Variants in MRPS28 observed in about 807,000 individuals in gnomAD.
The protein encoded by MRPS28 is mitochondrial ribosomal protein S28.
Under a neutral mutation model 10.8 loss-of-function variants are expected in MRPS28, and 7 were observed. The observed-to-expected ratio is 0.65, with a 90% CI of 0.37 to 1.22. The LOEUF (loss-of-function observed/expected upper bound fraction) is 1.22, where lower values mean the gene tolerates loss of function less well. Ranked by LOEUF, MRPS28 falls within the 50% of genes most tolerant of loss-of-function variation. MRPS28 has a pLI of 0.02. For synonymous variants in MRPS28, 121 were observed against 93.3 expected, an observed-to-expected ratio of 1.30 and a Z score of -1.71; for missense variants, 265 against 232.9, an observed-to-expected ratio of 1.14 and a Z score of -0.90.
At chr8:80,026,282 T>A (rs1424714696) in intron 1 of MRPS28, among the ~76,000 whole-genome samples, 1 of 152,196 alleles carries the variant, frequency 6.6e-6, no homozygotes, top group Admixed American at 6.5e-5. Flanking sequence ...ACCATAAATA[T>A]GTTAGAAAAA....
chr8:79,993,848 T>C (rs16907360), intron 2 of MRPS28, among the ~76,000 whole-genome samples: 3,443 of 152,280 alleles, frequency 0.023, 148 homozygotes, highest in African/African-American at 0.078. Flanking sequence ...CCAACATACA[T>C]TCCACTCTTT....
At chr8:79,983,588 C>T (rs1175359992) in intron 2 of MRPS28, among the ~76,000 whole-genome samples, 12 of 152,124 alleles carry the variant, frequency 7.9e-5, no homozygotes, top group South Asian at 2.1e-4. Flanking sequence ...AAGGAGCTGA[C>T]AGAGCTGAAA....
intron 2 of MRPS28, among the ~76,000 whole-genome samples, chr8:79,990,819 C>G (rs1808341201): frequency 1.1e-5 from 1 of 90,048 alleles, no homozygotes; most frequent in South Asian, 4.3e-4. Context: ...GAAACCCCAT[C>G]TCTACAAAAA....
intron 2 of MRPS28, among the ~76,000 whole-genome samples, chr8:79,974,575 A>AAAC (rs147607823): frequency 7.7e-6 from 1 of 129,658 alleles, no homozygotes; most frequent in African/African-American, 3.2e-5. Context: ...ATAAAAAAAC[A>AAAC]AAAAAAAAAC....
chr8:79,991,572 G>A (rs1042817701), intron 2 of MRPS28, among the ~76,000 whole-genome samples: 12 of 152,204 alleles, frequency 7.9e-5, no homozygotes, highest in African/African-American at 2.9e-4. Context: ...CTAGGTTTAA[G>A]TAGTGTCTAA....
intron 1 of MRPS28, among the ~76,000 whole-genome samples, chr8:80,013,145 A>T (rs935496690): frequency 2.0e-5 from 3 of 152,152 alleles, no homozygotes; most frequent in Non-Finnish European, 4.4e-5. Flanking sequence ...CGAAAAAAAA[A>T]CCCTGAATAA....
rs148845662 is a variant in MRPS28 at position 80,003,165 on chromosome 8, C to T, written c.229G>A (p.Val77Met). 2.6e-4 allele frequency: 415 copies of T among 1,583,758 alleles called. No homozygotes were observed. In the African/African-American group the frequency reaches 2.9e-3, roughly 11 times the overall value. Residue 77 changes from valine to methionine, a missense_variant, in exon 2 of 3, where the codon GTG becomes ATG. By Grantham distance (21) the Val-to-Met change is conservative (BLOSUM62 1). Coordinates refer to ENST00000276585, the MANE Select transcript of MRPS28 (RefSeq NM_014018.3). ...EPLQKGSPKN[V>M]ESFASMLRHS... ...CTCAGCATAGATGCAAAGGATTCCA[C>T]ATTTTTTGGAGAACCCTAAATATGA...
At chr8:79,973,135 T>C (rs1478702808) in intron 2 of MRPS28, among the ~76,000 whole-genome samples, 1 of 152,202 alleles carries the variant, frequency 6.6e-6, no homozygotes, top group Non-Finnish European at 1.5e-5. Context: ...GGGCTTATGA[T>C]AAGCAATTTG....
At chr8:79,928,470 G>A (rs1050358042) in intron 2 of MRPS28, among the ~76,000 whole-genome samples, 4 of 151,848 alleles carry the variant, frequency 2.6e-5, no homozygotes, top group Non-Finnish European at 5.9e-5. Context: ...TTGAGACACA[G>A]TCTCTGTCAC....
chr8:79,976,636 G>A (rs985762888), intron 2 of MRPS28, among the ~76,000 whole-genome samples: 1 of 152,084 alleles, frequency 6.6e-6, no homozygotes, highest in African/African-American at 2.4e-5. Context: ...AACCAGGGAG[G>A]TGATGGTTGC....
chr8:80,008,338 A>G (rs1808925712), intron 1 of MRPS28, among the ~76,000 whole-genome samples: 1 of 135,000 alleles, frequency 7.4e-6, no homozygotes, highest in Non-Finnish European at 1.7e-5. Flanking sequence ...AAACCTAGGC[A>G]ATACCATACA....
At chr8:79,920,018 C>G (rs1188270494) in intron 2 of MRPS28, among the ~76,000 whole-genome samples, 5 of 143,456 alleles carry the variant, frequency 3.5e-5, no homozygotes, top group East Asian at 2.1e-4. Context: ...TCAGTTCCCA[C>G]CTATAAGTGA....
chr8:79,991,378 T>C (rs1226397736), intron 2 of MRPS28, among the ~76,000 whole-genome samples: 1 of 152,110 alleles, frequency 6.6e-6, no homozygotes, highest in Non-Finnish European at 1.5e-5. Context: ...GTATGGACTT[T>C]TAAAGCCAAA....
intron 2 of MRPS28, among the ~76,000 whole-genome samples, chr8:79,935,644 A>ATT (rs1806588654): frequency 6.6e-6 from 1 of 152,252 alleles, no homozygotes; most frequent in South Asian, 2.1e-4. Flanking sequence ...AATTCTGAGA[A>ATT]TAGTCTAGAA....
chr8:79,971,384 A>T (rs1448798691), intron 2 of MRPS28, among the ~76,000 whole-genome samples: 2 of 152,192 alleles, frequency 1.3e-5, no homozygotes, highest in East Asian at 3.8e-4. Context: ...ACTTAAATAA[A>T]CAATTCAATG....
intron 2 of MRPS28, among the ~76,000 whole-genome samples, chr8:79,959,249 G>A (rs186489968): frequency 1.3e-5 from 2 of 152,102 alleles, no homozygotes; most frequent in African/African-American, 2.4e-5. Context: ...AAATAGTGCT[G>A]TATTAAGTAA....
intron 1 of MRPS28, among the ~76,000 whole-genome samples, chr8:80,020,327 G>A (rs889039178): frequency 5.3e-5 from 8 of 152,156 alleles, no homozygotes; most frequent in South Asian, 2.1e-4. Context: ...AATGAGGCAC[G>A]TCTGGCTCCC....
At chr8:79,977,060 A>G (rs1228418272) in intron 2 of MRPS28, among the ~76,000 whole-genome samples, 1 of 152,228 alleles carries the variant, frequency 6.6e-6, no homozygotes. Context: ...ATTCAATGAT[A>G]TATAGTGCAT....
chr8:79,986,457 T>C (rs1364785632), intron 2 of MRPS28, among the ~76,000 whole-genome samples: 1 of 152,196 alleles, frequency 6.6e-6, no homozygotes, highest in Admixed American at 6.5e-5. Flanking sequence ...ATAAAGGGTA[T>C]TCAATTAGGA....
Sources: gnomAD v4.1 joint callset for allele counts (sites outside exome capture counted in the v4.1 genomes callset) on GRCh38, gnomAD v4.1.1 for gene constraint, MANE v1.5 for transcripts, NCBI Gene and HGNC (gene_info 2026-07-23, HGNC 2026-07-21) for gene names.